ZNF780A: variants seen among roughly 807,000 people sequenced by gnomAD.
ZNF780A encodes zinc finger protein 780A.
A neutral mutation model predicts 56.7 loss-of-function variants in ZNF780A; 40 were observed. The ratio of observed to expected loss-of-function variants is 0.71; its 90% CI spans 0.55 to 0.92. The LOEUF (loss-of-function observed/expected upper bound fraction) is 0.92, where lower values mean the gene tolerates loss of function less well. Ranked by LOEUF, ZNF780A falls within the 40% of genes least tolerant of loss-of-function variation. The pLI, the probability that ZNF780A is intolerant of heterozygous loss-of-function variation, is 0.00. For missense variants in ZNF780A, 672 were observed against 783.3 expected (o/e 0.86, Z 1.70); for synonymous variants, 231 against 248.3 (o/e 0.93, Z 0.66).
In ZNF780A at chr19:40,073,767, A is replaced by C; in HGVS notation, c.*749T>G. ...CTTCACACATTCTTTTATGTTCACA[A>C]GATTTCTCATCAATATGAGCTCTCT... is the stretch of plus-strand genomic sequence containing the variant. On this transcript the variant is annotated 3_prime_UTR_variant, in exon 6 of 6. Transcript: ENST00000683561. 1 of 986,568 alleles carries C rather than the reference A, an allele frequency of 1.0e-6. No individual in the cohort carries two copies. The highest frequency in any genetic ancestry group is 4.7e-5 in the South Asian group (1 of 21,364). 61.1% of individuals were successfully genotyped at this position (986,568 alleles called of 1,614,324 possible). A position where few individuals can be genotyped will look rare whatever the true frequency, so the allele number is the denominator to read the frequency against.
At position 40,076,141 on chromosome 19, in the gene ZNF780A, T is replaced by G; in HGVS notation, c.301A>C (p.Lys101Gln). The change falls in exon 6 of 6, where the codon AAA becomes CAA. Residue 101 changes from lysine (K) to glutamine (Q), a missense_variant. Coordinates refer to ENST00000683561, the MANE Select transcript of ZNF780A (RefSeq NM_001142578.2). ...GTACTTATTTGCTTTATAACCTGTT[T>G]GGGTAAATTTACTTCAGAGGTATCA... ...ENDTSEVNLP[K>Q]QVIKQISTTL... 6.2e-7 allele frequency: 1 copy of G among 1,600,722 alleles called. No homozygotes were observed. Among genetic ancestry groups the G allele is most frequent in the East Asian group, 2.2e-5 (1 of 44,822 alleles).
intron 5 of ZNF780A, among the ~76,000 whole-genome samples, chr19:40,079,072 C>G (rs1344431470): frequency 6.6e-6 from 1 of 151,854 alleles, no homozygotes; most frequent in Admixed American, 6.6e-5. Context: ...AAAAAGTGAC[C>G]CAATTATATG....
Position 40,073,079 on chromosome 19 carries a change from T to A in ZNF780A, c.*1437A>T. 1 of 1,391,556 alleles carries A rather than the reference T, an allele frequency of 7.2e-7. No homozygotes were observed. The allele number at this position is 1,391,556 out of a possible 1,614,324, so 86.2% of individuals were successfully genotyped here. On this transcript the variant is annotated 3_prime_UTR_variant, in exon 6 of 6. Transcript: ENST00000683561. ...TTGTCTATATTGTCTTCATGTTTGG[T>A]TGATACACACGTTGATTAAATAAAG...
chr19:40,080,785 C>T (rs1974429902), intron 5 of ZNF780A, among the ~76,000 whole-genome samples: 1 of 151,950 alleles, frequency 6.6e-6, no homozygotes, highest in Non-Finnish European at 1.5e-5. Flanking sequence ...ATGCAATTTA[C>T]CCATATAAAA....
chr19:40,072,833 C>T, downstream of ZNF780A: 1 of 1,526,880 alleles, frequency 6.5e-7, no homozygotes, highest in South Asian at 1.3e-5. Context: ...ATTCTAATAC[C>T]TACCAAAATT....
At chr19:40,089,280 A>G in intron 2 of ZNF780A, 2 of 1,424,644 alleles carry the variant, frequency 1.4e-6, no homozygotes, top group South Asian at 1.5e-5. Context: ...CATGTTGCAC[A>G]TGATAAATAC....
chr19:40,072,938 A>T (rs1471768633), downstream of ZNF780A: 1 of 1,550,262 alleles, frequency 6.5e-7, no homozygotes, highest in East Asian at 2.5e-5. Flanking sequence ...TCCTTTGAAT[A>T]TGAATAGCTG....
In ZNF780A at chr19:40,076,169, T is replaced by C. The variant is rs764287431; in HGVS notation, c.273A>G (p.Glu91=). The C allele has an allele frequency of 6.3e-7, 1 of 1,579,456 alleles. No individual in the cohort carries two copies. The highest frequency in any genetic ancestry group is 2.2e-5 in the East Asian group (1 of 44,684). Residue 91 remains glutamate (E), a synonymous_variant, in exon 6 of 6, where the codon GAA becomes GAG. Transcript: ENST00000683561. ...GTAAATTTACTTCAGAGGTATCATT[T>C]TCTGGAGATACTTTCTCAGGTCCAT... ...LKYGPEKVSP[E]NDTSEVNLPK... is the part of the protein sequence containing the mutation.
chr19:40,084,610 C>A, intron 3 of ZNF780A, 135 bp downstream of exon 3: 6 of 843,864 alleles, frequency 7.1e-6, no homozygotes, highest in South Asian at 1.9e-5. Context: ...TTTTTTGTCA[C>A]CAACCTTCAC....
At chr19:40,078,309 C>T (rs1054508367) in intron 5 of ZNF780A, among the ~76,000 whole-genome samples, 1 of 151,886 alleles carries the variant, frequency 6.6e-6, no homozygotes, top group Non-Finnish European at 1.5e-5. Flanking sequence ...CATAAAACAA[C>T]CAAATATTTG....
intron 2 of ZNF780A, among the ~76,000 whole-genome samples, chr19:40,088,426 A>T (rs781618073): frequency 1.1e-4 from 17 of 152,224 alleles, no homozygotes; most frequent in Non-Finnish European, 1.6e-4. Flanking sequence ...ATCACTAATC[A>T]TCAGGGAAAT....
chr19:40,073,171 C>A lies in ZNF780A; in HGVS notation c.*1345G>T, dbSNP rs1286484934. ...AACAAATATACAAAAAATAAACGTG[C>A]AAATTGTTAACAATTTTGAATCTAG... is the stretch of plus-strand genomic sequence containing the variant. On this transcript the variant is annotated 3_prime_UTR_variant, in exon 6 of 6. Transcript: ENST00000683561. 2 of 975,678 alleles carry A rather than the reference C, an allele frequency of 2.0e-6. No homozygotes were observed. The highest frequency in any genetic ancestry group is 2.7e-6 in the Non-Finnish European group (2 of 746,724). 60.4% of individuals were successfully genotyped at this position (975,678 alleles called of 1,614,324 possible). A position where few individuals can be genotyped will look rare whatever the true frequency, so the allele number is the denominator to read the frequency against.
At chr19:40,072,653 CAAA>C (rs200980070), downstream of ZNF780A, 5,108 of 555,746 alleles carry the variant, frequency 9.2e-3, no homozygotes, top group East Asian at 0.012. Flanking sequence ...CTTGCAACTG[CAAA>C]AAAAAAAAAA....
chr19:40,077,956 G>T lies in ZNF780A; in HGVS notation c.233-1747C>A, dbSNP rs145345306. ...TAATTCTCCAGAAACATTCCAATGG[G>T]AGAAAAATGCTATATCCTAGCAAAA... On this transcript the variant is annotated intron_variant, in intron 5 of 5. Transcript: ENST00000683561. Among the ~76,000 whole-genome samples the T allele has an allele frequency of 9.0e-4, 135 of 149,844 alleles. 4 individuals are homozygous for T. The East Asian group carries it at 0.025, about 27-fold the overall frequency.
At chr19:40,089,355 T>C in intron 2 of ZNF780A, 1 of 1,280,788 alleles carries the variant, frequency 7.8e-7, no homozygotes, top group Non-Finnish European at 1.0e-6. Flanking sequence ...AGCCCCTCAC[T>C]CATTTTCTTA....
chr19:40,085,482 T>A, intron 2 of ZNF780A: 1 of 392,358 alleles, frequency 2.5e-6, no homozygotes, highest in Non-Finnish European at 3.5e-6. Flanking sequence ...ATAGAAATAC[T>A]AATAAAAAGA....
chr19:40,085,376 A>T, intron 2 of ZNF780A: 3 of 980,276 alleles, frequency 3.1e-6, no homozygotes, highest in Non-Finnish European at 3.6e-6. Flanking sequence ...AATAGAATAC[A>T]AAGTAAATAT....
downstream of ZNF780A, chr19:40,069,963 A>G (rs1299583138): frequency 6.6e-6 from 1 of 152,214 alleles, no homozygotes; most frequent in Non-Finnish European, 1.5e-5. Context: ...CGTAACTCCT[A>G]TGAATCAGGT....
chr19:40,079,243 A>G (rs1232064217), intron 5 of ZNF780A, among the ~76,000 whole-genome samples: 1 of 152,200 alleles, frequency 6.6e-6, no homozygotes, highest in Non-Finnish European at 1.5e-5. Flanking sequence ...AAAGAGACAA[A>G]GAAGATCACT....
Sources: gnomAD v4.1 joint callset for allele counts (sites outside exome capture counted in the v4.1 genomes callset) on GRCh38, gnomAD v4.1.1 for gene constraint, MANE v1.5 for transcripts, NCBI Gene and HGNC (gene_info 2026-07-23, HGNC 2026-07-21) for gene names.